Variants in DAB1 observed in about 807,000 individuals in gnomAD.
DAB1 encodes DAB adaptor protein 1, also known as disabled homolog 1.
In DAB1, 15 loss-of-function variants were observed where a neutral mutation model predicts 64.6. The ratio of observed to expected loss-of-function variants is 0.23; its 90% CI spans 0.16 to 0.36. DAB1 has a LOEUF of 0.36. DAB1 is among the 10% of genes least tolerant of loss of function. DAB1 has a pLI of 1.00. For missense variants in DAB1, 596 were observed against 706.7 expected (o/e 0.84, Z 1.78); for synonymous variants, 235 against 251.9 (o/e 0.93, Z 0.64).
intron 4 of DAB1, among the ~76,000 whole-genome samples, chr1:57,076,777 T>G (rs1263640875): frequency 6.6e-6 from 1 of 152,188 alleles, no homozygotes; most frequent in East Asian, 1.9e-4. Flanking sequence ...TTTCCCTGAG[T>G]AATAATTCCC....
At chr1:58,213,140 T>C (rs1239721862) in intron 4 of DAB1, among the ~76,000 whole-genome samples, 3 of 152,166 alleles carry the variant, frequency 2.0e-5, no homozygotes, top group African/African-American at 7.2e-5. Context: ...GTGATCTGAT[T>C]TGCAAAGGTC....
At chr1:57,906,711 C>T (rs1644556243) in intron 5 of DAB1, among the ~76,000 whole-genome samples, 1 of 152,110 alleles carries the variant, frequency 6.6e-6, no homozygotes. Flanking sequence ...GAAGAGGGTA[C>T]CCGGGAGGAG....
At chr1:57,318,886 C>T (rs1335927971) in intron 1 of DAB1, among the ~76,000 whole-genome samples, 1 of 152,148 alleles carries the variant, frequency 6.6e-6, no homozygotes, top group Non-Finnish European at 1.5e-5. Flanking sequence ...TATGCCTGCT[C>T]TTTACAGTAG....
intron 4 of DAB1, chr1:58,228,561 G>A: frequency 2.4e-6 from 1 of 425,274 alleles, no homozygotes; most frequent in South Asian, 2.0e-5. Flanking sequence ...ATATGGCAGG[G>A]GGAGGGGGGA....
At chr1:57,522,638 T>C (rs1201909232) in intron 7 of DAB1, among the ~76,000 whole-genome samples, 6 of 152,126 alleles carry the variant, frequency 3.9e-5, no homozygotes, top group Admixed American at 3.9e-4. Flanking sequence ...CTTGTGATGG[T>C]TAACATTGAG....
intron 4 of DAB1, among the ~76,000 whole-genome samples, chr1:58,269,068 G>C (rs1440410377): frequency 6.6e-6 from 1 of 150,640 alleles, no homozygotes; most frequent in Non-Finnish European, 1.5e-5. Flanking sequence ...CATTGTGCAG[G>C]TTAGTTACAT....
At chr1:57,304,614 T>C (rs962891961) in intron 1 of DAB1, among the ~76,000 whole-genome samples, 5 of 152,176 alleles carry the variant, frequency 3.3e-5, no homozygotes, top group Non-Finnish European at 5.9e-5. Context: ...CCCATAAGCG[T>C]TGCTGAGTAG....
rs770822817 is a variant in DAB1, at chr1:58,350,647, A to G, written n.258-7244T>C. On this transcript the variant is annotated intron_variant and non_coding_transcript_variant, in intron 3 of 20. Transcript: ENST00000485760. ...AGTTAATTTTTGTATAAGGTGTAAG[A>G]AGGGGTACAGTTTCTGTTTTCTGCA... is the stretch of plus-strand genomic sequence containing the variant. Among the ~76,000 whole-genome samples the G allele has an allele frequency of 8.5e-5, 13 of 152,248 alleles. No individual in the cohort carries two copies. In the East Asian group the frequency reaches 1.7e-3, roughly 20 times the overall value.
intron 5 of DAB1, among the ~76,000 whole-genome samples, chr1:57,974,499 T>G (rs570298572): frequency 5.5e-4 from 84 of 151,860 alleles, no homozygotes; most frequent in African/African-American, 1.7e-3. Flanking sequence ...TATATATATA[T>G]AGATATATAG....
chr1:57,631,842 G>T (rs975465264), intron 7 of DAB1, among the ~76,000 whole-genome samples: 2 of 152,236 alleles, frequency 1.3e-5, no homozygotes, highest in African/African-American at 2.4e-5. Flanking sequence ...GCCCAAATCA[G>T]CAGAGGCAAA....
intron 7 of DAB1, among the ~76,000 whole-genome samples, chr1:57,514,688 A>G (rs1644444036): frequency 6.6e-6 from 1 of 152,204 alleles, no homozygotes. Context: ...GTTTTTGAGA[A>G]TACAAAAGTC....
At chr1:57,552,055 C>T (rs1169812102) in intron 7 of DAB1, among the ~76,000 whole-genome samples, 2 of 152,142 alleles carry the variant, frequency 1.3e-5, no homozygotes, top group African/African-American at 4.8e-5. Context: ...AGGCATCCCC[C>T]GTTTTCCTCC....
chr1:58,414,158 A>G (rs1233695732), intron 3 of DAB1, among the ~76,000 whole-genome samples: 1 of 152,184 alleles, frequency 6.6e-6, no homozygotes, highest in East Asian at 1.9e-4. Flanking sequence ...TCACTGATGA[A>G]ACACTCTAAT....
chr1:58,391,266 G>A (rs1464981477), intron 3 of DAB1, among the ~76,000 whole-genome samples: 1 of 152,204 alleles, frequency 6.6e-6, no homozygotes, highest in Non-Finnish European at 1.5e-5. Flanking sequence ...AGTCAAAGCT[G>A]TGGAGCAGAG....
chr1:57,215,027 T>A (rs1235326116), intron 2 of DAB1, among the ~76,000 whole-genome samples: 1 of 151,900 alleles, frequency 6.6e-6, no homozygotes, highest in East Asian at 1.9e-4. Context: ...AATGTAAGAT[T>A]CCAGACTGGG....
intron 3 of DAB1, among the ~76,000 whole-genome samples, chr1:58,376,475 G>A (rs1206493111): frequency 7.2e-6 from 1 of 139,524 alleles, no homozygotes; most frequent in Non-Finnish European, 1.6e-5. Context: ...CAGTTTCCAT[G>A]TAGTTGAGTG....
chr1:58,107,606 T>G (rs1651737407), intron 5 of DAB1, among the ~76,000 whole-genome samples: 1 of 151,336 alleles, frequency 6.6e-6, no homozygotes, highest in African/African-American at 2.4e-5. Flanking sequence ...TTTTTTTCTG[T>G]TTTTGTTTTT....
At chr1:57,311,537 C>CACACACACACACACACAG (rs1434993257) in intron 1 of DAB1, among the ~76,000 whole-genome samples, 1 of 152,064 alleles carries the variant, frequency 6.6e-6, no homozygotes, top group African/African-American at 2.4e-5. Context: ...CACACACACA[C>CACACACACACACACACAG]ACACCACTTC....
At chr1:57,114,588 G>A (rs904387120) in intron 4 of DAB1, among the ~76,000 whole-genome samples, 3 of 152,276 alleles carry the variant, frequency 2.0e-5, no homozygotes, top group Admixed American at 6.5e-5. Flanking sequence ...TTGCTGCATC[G>A]ATTAGCACTT....
Sources: gnomAD v4.1 joint callset for allele counts (sites outside exome capture counted in the v4.1 genomes callset) on GRCh38, gnomAD v4.1.1 for gene constraint, MANE v1.5 for transcripts, NCBI Gene and HGNC (gene_info 2026-07-23, HGNC 2026-07-21) for gene names.